RANBP10: variants seen among roughly 807,000 people sequenced by gnomAD.
The protein encoded by RANBP10 is ran-binding protein 10.
A neutral mutation model predicts 72.8 loss-of-function variants in RANBP10; 24 were observed. The observed-to-expected ratio is 0.33, with a 90% CI of 0.24 to 0.46. The LOEUF is 0.46. RANBP10 is among the 20% of genes least tolerant of loss of function. The probability of loss-of-function intolerance (pLI) is 1.00; values close to 1 mark genes in which losing one functional copy is unlikely to be tolerated. For synonymous variants in RANBP10, 310 were observed against 322.3 expected (o/e 0.96, Z 0.41); for missense variants, 679 against 817.5 (o/e 0.83, Z 2.07).
intron 2 of RANBP10, among the ~76,000 whole-genome samples, chr16:67,785,973 C>T (rs1414830982): frequency 1.4e-5 from 2 of 147,840 alleles, no homozygotes; most frequent in African/African-American, 5.0e-5. Context: ...TTGCAGTGAG[C>T]GGAGATCAGA....
intron 6 of RANBP10, among the ~76,000 whole-genome samples, chr16:67,732,198 G>A (rs1280850120): frequency 6.6e-6 from 1 of 152,134 alleles, no homozygotes; most frequent in Admixed American, 6.5e-5. Flanking sequence ...CACAAATCAG[G>A]GGCCCAAGAA....
intron 2 of RANBP10, among the ~76,000 whole-genome samples, chr16:67,787,131 C>A (rs1416028002): frequency 5.3e-5 from 8 of 152,190 alleles, no homozygotes; most frequent in African/African-American, 1.9e-4. Flanking sequence ...CTCAGCTACT[C>A]AGGAGGCTGA....
intron 2 of RANBP10, among the ~76,000 whole-genome samples, chr16:67,803,204 T>G (rs1188399942): frequency 6.6e-6 from 1 of 152,126 alleles, no homozygotes; most frequent in East Asian, 1.9e-4. Context: ...AATTTAACTT[T>G]CCTGTCTGTA....
chr16:67,744,745 G>A (rs754562003), intron 3 of RANBP10, among the ~76,000 whole-genome samples: 5 of 152,260 alleles, frequency 3.3e-5, no homozygotes, highest in African/African-American at 1.2e-4. Context: ...ACAACAAGGA[G>A]GTGGTCAAGG....
chr16:67,793,233 T>G (rs2055061953), intron 2 of RANBP10, among the ~76,000 whole-genome samples: 1 of 151,936 alleles, frequency 6.6e-6, no homozygotes, highest in African/African-American at 2.4e-5. Context: ...AAATGTCCTT[T>G]GGTACACAGA....
chr16:67,785,252 G>A (rs1308553790), intron 2 of RANBP10, among the ~76,000 whole-genome samples: 5 of 151,454 alleles, frequency 3.3e-5, no homozygotes, highest in African/African-American at 1.2e-4. Flanking sequence ...AAGAAAGAAG[G>A]GAGGGAGGGA....
intron 3 of RANBP10, among the ~76,000 whole-genome samples, chr16:67,765,257 T>C (rs1441574963): frequency 6.9e-6 from 1 of 144,702 alleles, no homozygotes; most frequent in African/African-American, 2.6e-5. Flanking sequence ...CCAGGTGCAG[T>C]AGCTCACACC....
At chr16:67,731,666 T>G in intron 6 of RANBP10, 82 bp from the exon 7 acceptor site, 1 of 1,011,516 alleles carries the variant, frequency 9.9e-7, no homozygotes, top group Non-Finnish European at 1.5e-6. Context: ...ACAGATTACC[T>G]CCCCCAGAGG....
intron 3 of RANBP10, among the ~76,000 whole-genome samples, chr16:67,745,016 G>C (rs2054043501): frequency 1.3e-5 from 2 of 151,598 alleles, no homozygotes; most frequent in Admixed American, 1.3e-4. Flanking sequence ...ATTTTTAGTA[G>C]AGACGGTGTT....
At chr16:67,746,913 T>G (rs553300551) in intron 3 of RANBP10, among the ~76,000 whole-genome samples, 1 of 152,336 alleles carries the variant, frequency 6.6e-6, no homozygotes, top group Non-Finnish European at 1.5e-5. Context: ...ACACCCCAGT[T>G]TTTCTATCTG....
chr16:67,805,583 C>G, intron 1 of RANBP10, 44 bp from the exon 2 acceptor site: 1 of 1,520,786 alleles, frequency 6.6e-7, no homozygotes, highest in Non-Finnish European at 9.0e-7. Context: ...GAAGGAAATG[C>G]AAATGGAAGC....
intron 5 of RANBP10, 23 bp from the exon 6 acceptor site, chr16:67,735,065 A>C: frequency 6.4e-7 from 1 of 1,566,200 alleles, no homozygotes; most frequent in Non-Finnish European, 8.7e-7. Flanking sequence ...ATGAAATGTC[A>C]GTCAGGCCCT....
intron 2 of RANBP10, among the ~76,000 whole-genome samples, chr16:67,791,016 CTTT>C (rs919159741): frequency 2.5e-5 from 3 of 119,464 alleles, no homozygotes; most frequent in African/African-American, 3.3e-5. Flanking sequence ...CAATTTATTT[CTTT>C]TTTTTTTTTT....
chr16:67,802,560 C>T (rs538553848), intron 2 of RANBP10, among the ~76,000 whole-genome samples: 113 of 152,298 alleles, frequency 7.4e-4, no homozygotes, highest in Non-Finnish European at 1.0e-3. Context: ...ATCACTTGAA[C>T]CCAGAAAGTA....
chr16:67,741,360 GCACTGGA>G (rs1354196894), intron 4 of RANBP10, among the ~76,000 whole-genome samples: 2 of 152,324 alleles, frequency 1.3e-5, no homozygotes, highest in Non-Finnish European at 2.9e-5. Context: ...ACCCACTACT[GCACTGGA>G]CAAGGGCAAC....
chr16:67,782,054 T>C (rs1038723522), intron 2 of RANBP10, among the ~76,000 whole-genome samples: 13 of 152,234 alleles, frequency 8.5e-5, no homozygotes, highest in African/African-American at 2.9e-4. Context: ...CACAGTCCAG[T>C]CCTCTTGGAT....
chr16:67,780,248 AC>A (rs1420177628), intron 2 of RANBP10, among the ~76,000 whole-genome samples: 2 of 151,654 alleles, frequency 1.3e-5, no homozygotes, highest in African/African-American at 2.4e-5. Flanking sequence ...AAACAAACAA[AC>A]AAAAAAACAC....
At chr16:67,770,223 C>T (rs1358019954) in intron 3 of RANBP10, among the ~76,000 whole-genome samples, 1 of 152,050 alleles carries the variant, frequency 6.6e-6, no homozygotes, top group Non-Finnish European at 1.5e-5. Flanking sequence ...GGTAGAGCTA[C>T]AGATACTACA....
At chr16:67,749,094 A>T (rs1024841865) in intron 3 of RANBP10, among the ~76,000 whole-genome samples, 1 of 152,202 alleles carries the variant, frequency 6.6e-6, no homozygotes, top group African/African-American at 2.4e-5. Context: ...GTGGCCAGGC[A>T]GCAAGCAAAG....
Sources: gnomAD v4.1 joint callset for allele counts (sites outside exome capture counted in the v4.1 genomes callset) on GRCh38, gnomAD v4.1.1 for gene constraint, MANE v1.5 for transcripts, NCBI Gene and HGNC (gene_info 2026-07-23, HGNC 2026-07-21) for gene names.